Variants in PDE3B observed in about 807,000 individuals in gnomAD.
PDE3B encodes phosphodiesterase 3B.
A neutral mutation model predicts 116.8 loss-of-function variants in PDE3B; 66 were observed. That is an observed-to-expected ratio of 0.56 (90% CI 0.46 to 0.69). The LOEUF (loss-of-function observed/expected upper bound fraction) is 0.69. PDE3B is among the 30% of genes least tolerant of loss of function. The pLI is 0.00. For synonymous variants in PDE3B, 595 were observed against 533.6 expected, an observed-to-expected ratio of 1.12 and a Z score of -1.59; for missense variants, 1,384 against 1,368.1, an observed-to-expected ratio of 1.01 and a Z score of -0.18.
At chr11:14,840,630 C>T (rs957952662) in intron 11 of PDE3B, among the ~76,000 whole-genome samples, 5 of 152,166 alleles carry the variant, frequency 3.3e-5, no homozygotes, top group African/African-American at 9.7e-5. Context: ...ATAAATAGTT[C>T]TGCCCAATAT....
Position 14,750,792 on chromosome 11 carries a change from A to G in PDE3B, c.979-21145A>G, listed in dbSNP as rs568805009. The stretch of plus-strand genomic sequence containing the variant: ...AAAGTGTAATTTTAGAAAGGAATAC[A>G]TTTTATGGGTGTGGCCCATTAACAC... On this transcript the variant is annotated intron_variant, in intron 1 of 15. Coordinates refer to ENST00000282096, the MANE Select transcript of PDE3B (RefSeq NM_000922.4). Among the ~76,000 whole-genome samples, 4 of 152,326 alleles carry G rather than the reference A, an allele frequency of 2.6e-5. No homozygotes were observed. The South Asian group carries it at 6.2e-4, about 24-fold the overall frequency.
chr11:14,729,700 A>G (rs1247424940), intron 1 of PDE3B, among the ~76,000 whole-genome samples: 3 of 152,238 alleles, frequency 2.0e-5, no homozygotes, highest in Non-Finnish European at 4.4e-5. Flanking sequence ...CCTATTACAT[A>G]AAGTATGATT....
chr11:14,734,123 G>A (rs1408322453), intron 1 of PDE3B, among the ~76,000 whole-genome samples: 2 of 152,188 alleles, frequency 1.3e-5, no homozygotes, highest in South Asian at 2.1e-4. Flanking sequence ...CCAGGCTGGA[G>A]TGCAGTGGCA....
At chr11:14,793,103 C>T (rs1420733708) in intron 4 of PDE3B, among the ~76,000 whole-genome samples, 1 of 152,098 alleles carries the variant, frequency 6.6e-6, no homozygotes, top group African/African-American at 2.4e-5. Flanking sequence ...TTAATCTTGC[C>T]TTCTGCTTAA....
chr11:14,839,273 G>A (rs1313819291), intron 11 of PDE3B, among the ~76,000 whole-genome samples: 1 of 152,096 alleles, frequency 6.6e-6, no homozygotes, highest in Non-Finnish European at 1.5e-5. Context: ...GAGGACCATC[G>A]TTGTAGGAAG....
rs1853434656 is a variant in PDE3B, at chr11:14,647,171, AT to A, written c.978+2122del. ...TTTTATGGAAGTAAAAGATCAGGAG[AT>A]TTTCTGATTTTCAAAGTGTTGTATA... On this transcript the variant is annotated intron_variant, in intron 1 of 15. Transcript: ENST00000282096. Among the ~76,000 whole-genome samples, 7 of 152,034 alleles carry A rather than the reference AT, an allele frequency of 4.6e-5. No homozygotes were observed. In the South Asian group the frequency reaches 1.4e-3, roughly 31 times the overall value.
intron 1 of PDE3B, among the ~76,000 whole-genome samples, chr11:14,748,818 A>G (rs1024426095): frequency 1.3e-5 from 2 of 151,980 alleles, no homozygotes; most frequent in Non-Finnish European, 2.9e-5. Context: ...AAATACCCAT[A>G]CTAAAATGAT....
chr11:14,748,986 T>A (rs1355617988), intron 1 of PDE3B, among the ~76,000 whole-genome samples: 1 of 151,756 alleles, frequency 6.6e-6, no homozygotes, highest in Non-Finnish European at 1.5e-5. Flanking sequence ...CCGCCTGGGT[T>A]CATGTGATTC....
Position 14,644,731 on chromosome 11 carries a change from G to A in PDE3B, c.656G>A (p.Cys219Tyr). ...GCGCACCCGCTGCGGCTCCGGCACT[G>A]CGTTCTGGTGCTGCTCCTGGCCAGC... ...TLAHPLRLRH[C>Y]VLVLLLASFV... The change falls in exon 1 of 16, where the codon TGC becomes TAC. Residue 219 changes from cysteine (C) to tyrosine (Y), a missense_variant. Cys to Tyr is a radical substitution (Grantham distance 194). Transcript: ENST00000282096. 6.4e-7 allele frequency: 1 copy of A among 1,566,036 alleles called. No homozygotes were observed. Among genetic ancestry groups the A allele is most frequent in the Non-Finnish European group, 8.6e-7 (1 of 1,157,680 alleles).
chr11:14,752,046 A>G (rs1413579798), intron 1 of PDE3B, among the ~76,000 whole-genome samples: 1 of 152,164 alleles, frequency 6.6e-6, no homozygotes, highest in African/African-American at 2.4e-5. Context: ...GGACTGAGGG[A>G]CTGTGACATG....
chr11:14,825,327 A>G (rs12795794), intron 7 of PDE3B, among the ~76,000 whole-genome samples: 53,640 of 152,064 alleles, frequency 0.35, 10,891 homozygotes, highest in South Asian at 0.46. Flanking sequence ...CCCCATTTAA[A>G]AGGCATAGAG....
chr11:14,814,429 A>T (rs1472515711), intron 5 of PDE3B, among the ~76,000 whole-genome samples: 4 of 152,188 alleles, frequency 2.6e-5, no homozygotes, highest in Non-Finnish European at 5.9e-5. Flanking sequence ...GTACAGAAAA[A>T]TTAATTATAT....
chr11:14,738,395 C>T (rs1361853923), intron 1 of PDE3B, among the ~76,000 whole-genome samples: 1 of 152,200 alleles, frequency 6.6e-6, no homozygotes, highest in Non-Finnish European at 1.5e-5. Flanking sequence ...TGTCATATGT[C>T]TGTTGGCTGC....
At chr11:14,888,641 A>G in the PDE3B span, among the ~76,000 whole-genome samples, 2 of 152,068 alleles carry the variant, frequency 1.3e-5, no homozygotes, top group African/African-American at 4.8e-5. Context: ...GCACTTATTT[A>G]ACACTATCTT....
At chr11:14,786,291 A>G (rs1858192045) in intron 2 of PDE3B, 146 bp from the exon 3 acceptor site, 1 of 524,982 alleles carries the variant, frequency 1.9e-6, no homozygotes, top group Admixed American at 3.6e-5. Flanking sequence ...TAATGTGATA[A>G]TCAGCTAGCG....
intron 2 of PDE3B, among the ~76,000 whole-genome samples, chr11:14,784,609 A>G (rs1858136646): frequency 6.6e-6 from 1 of 152,204 alleles, no homozygotes; most frequent in Admixed American, 6.5e-5. Flanking sequence ...AAAAGCAAGA[A>G]AAAACAGAGG....
chr11:14,684,676 C>A (rs1231495583), intron 1 of PDE3B, among the ~76,000 whole-genome samples: 1 of 152,120 alleles, frequency 6.6e-6, no homozygotes. Flanking sequence ...TTATCTCAAC[C>A]GCATAAGACA....
chr11:14,697,989 A>G (rs1339154349), intron 1 of PDE3B, among the ~76,000 whole-genome samples: 1 of 151,880 alleles, frequency 6.6e-6, no homozygotes, highest in Non-Finnish European at 1.5e-5. Flanking sequence ...CCACCCTTTT[A>G]TTGCCTGTTT....
downstream of PDE3B, among the ~76,000 whole-genome samples, chr11:14,873,394 G>A (rs572258925): frequency 4.6e-5 from 7 of 152,268 alleles, no homozygotes; most frequent in South Asian, 1.5e-3. Flanking sequence ...TTTAGACATA[G>A]GGAGTGCTTG....
Sources: allele counts gnomAD v4.1 joint callset (sites outside exome capture counted in the v4.1 genomes callset), GRCh38; gene constraint gnomAD v4.1.1; transcripts MANE v1.5; gene names NCBI Gene and HGNC (gene_info 2026-07-23, HGNC 2026-07-21).